The following OGFRL1 variants were observed in gnomAD, a reference collection of about 807,000 sequenced individuals.
OGFRL1 encodes the protein opioid growth factor receptor like 1.
OGFRL1 carries 26 observed loss-of-function variants against 32.4 expected under a neutral mutation model. That is an observed-to-expected ratio of 0.80 (90% CI 0.59 to 1.11). The LOEUF (loss-of-function observed/expected upper bound fraction) is 1.11, where lower values mean the gene tolerates loss of function less well. Ranked by LOEUF, OGFRL1 falls within the 50% of genes most tolerant of loss-of-function variation. OGFRL1 has a pLI of 0.00. For missense variants in OGFRL1, 521 were observed against 546.4 expected (o/e 0.95, Z 0.46); for synonymous variants, 211 against 201.2 (o/e 1.05, Z -0.41).
intron 6 of OGFRL1, among the ~76,000 whole-genome samples, chr6:71,300,757 C>T (rs1435157199): frequency 7.9e-5 from 12 of 152,178 alleles, no homozygotes; most frequent in African/African-American, 2.9e-4. Flanking sequence ...CACTTAGCTG[C>T]TAAGTTACAG....
In OGFRL1 at chr6:71,301,941, A is replaced by G. The variant is rs758024187; in HGVS notation, c.1248A>G (p.Glu416=). The change falls in exon 7 of 7, where the codon GAA becomes GAG. Residue 416 remains glutamate, a synonymous_variant. Transcript: ENST00000370435. The part of the protein sequence containing the change: ...QPEKTVTTPT[E]KKESVSPENN... ...AGAAAACAGTTACTACTCCCACAGA[A>G]AAAAAGGAGAGTGTATCTCCTGAGA... is the stretch of plus-strand genomic sequence containing the variant. The G allele has an allele frequency of 1.2e-5, 20 of 1,613,632 alleles. No homozygotes were observed. The highest frequency in any genetic ancestry group is 1.2e-4 in the African/African-American group (9 of 74,886).
chr6:71,298,494 G>A (rs1766284242), intron 6 of OGFRL1, among the ~76,000 whole-genome samples: 2 of 152,112 alleles, frequency 1.3e-5, no homozygotes, highest in African/African-American at 2.4e-5. Flanking sequence ...AACAAAATAT[G>A]GTCTTCAGCT....
rs527655685 is a variant in OGFRL1, at chr6:71,304,833, T to C, written c.*2784T>C. On this transcript the variant is annotated 3_prime_UTR_variant, in exon 7 of 7. Transcript: ENST00000370435. ...TAGTATGTTTCTTACATTTAATCCC[T>C]AAATAACTTAGATAATCATTCAGTG... The C allele has an allele frequency of 6.6e-6, 1 of 152,212 alleles. No individual in the cohort carries two copies. The highest frequency in any genetic ancestry group is 1.9e-4 in the East Asian group (1 of 5,184). The allele number at this position is 152,212 out of a possible 1,614,324, so 9.4% of individuals were successfully genotyped here.
chr6:71,303,468 A>T lies in OGFRL1; in HGVS notation c.*1419A>T, dbSNP rs1325017242. ...AAATTTGATTGAAAAGTTCAAGACA[A>T]GAATTTTGCTCTCTATGGCTGTTCC... is the stretch of plus-strand genomic sequence containing the variant. On this transcript the variant is annotated 3_prime_UTR_variant, in exon 7 of 7. Transcript: ENST00000370435. 2 of 152,226 alleles carry T rather than the reference A, an allele frequency of 1.3e-5. No individual in the cohort carries two copies. Among genetic ancestry groups the T allele is most frequent in the African/African-American group, 4.8e-5 (2 of 41,458 alleles). The allele number at this position is 152,226 out of a possible 1,614,324, so 9.4% of individuals were successfully genotyped here. A position where few individuals can be genotyped will look rare whatever the true frequency, so the allele number is the denominator to read the frequency against.
In OGFRL1 at chr6:71,306,486, C is replaced by T. The variant is rs1582567583; in HGVS notation, c.*4437C>T. The T allele has an allele frequency of 6.6e-6, 1 of 152,200 alleles. No individual in the cohort carries two copies. The highest frequency in any genetic ancestry group is 1.9e-4 in the East Asian group (1 of 5,188). 9.4% of individuals were successfully genotyped at this position (152,200 alleles called of 1,614,324 possible). A position where few individuals can be genotyped will look rare whatever the true frequency, so the allele number is the denominator to read the frequency against. On this transcript the variant is annotated 3_prime_UTR_variant, in exon 7 of 7. Coordinates refer to ENST00000370435, the MANE Select transcript of OGFRL1 (RefSeq NM_024576.5). ...AATGTCTGGAGGTATCCAGATGTGCCTTAACAAATGTAAATGGTTTTCATT... is the reference window on the plus strand; with the variant it reads ...AATGTCTGGAGGTATCCAGATGTGCTTTAACAAATGTAAATGGTTTTCATT...
chr6:71,292,350 A>C (rs1024313100), intron 1 of OGFRL1, among the ~76,000 whole-genome samples: 1 of 152,216 alleles, frequency 6.6e-6, no homozygotes, highest in African/African-American at 2.4e-5. Flanking sequence ...AAAATGTGTG[A>C]AAATTACTTA....
At chr6:71,293,004 T>C (rs1398175046) in intron 1 of OGFRL1, among the ~76,000 whole-genome samples, 1 of 152,220 alleles carries the variant, frequency 6.6e-6, no homozygotes, top group Middle Eastern at 3.2e-3. Context: ...CCATTTTTGA[T>C]GGATATTGAT....
At chr6:71,299,258 T>G (rs978639625) in intron 6 of OGFRL1, among the ~76,000 whole-genome samples, 2 of 152,188 alleles carry the variant, frequency 1.3e-5, no homozygotes, top group Non-Finnish European at 2.9e-5. Flanking sequence ...AGCTTCTTTC[T>G]TTTTCCTATA....
chr6:71,291,196 A>G (rs1766041048), intron 1 of OGFRL1, among the ~76,000 whole-genome samples: 1 of 152,234 alleles, frequency 6.6e-6, no homozygotes, highest in Non-Finnish European at 1.5e-5. Flanking sequence ...TGTTTCAGGA[A>G]GGAGGGATGC....
In OGFRL1 at chr6:71,301,690, G is replaced by A. The variant is rs777810665; in HGVS notation, c.997G>A (p.Ala333Thr). The A allele has an allele frequency of 3.7e-5, 59 of 1,613,732 alleles. No homozygotes were observed. The highest frequency in any genetic ancestry group is 4.6e-5 in the Non-Finnish European group (54 of 1,179,982). The change falls in exon 7 of 7, where the codon GCC becomes ACC. Residue 333 changes from alanine to threonine, a missense_variant. Ala to Thr is a moderately conservative substitution (Grantham distance 58). Coordinates refer to ENST00000370435, the MANE Select transcript of OGFRL1 (RefSeq NM_024576.5). Reference protein sequence around the residue: ...SKAQKMSSPLASSHNSQTSMH... With the variant: ...SKAQKMSSPLTSSHNSQTSMH... ...AGCCCAGAAAATGTCTTCCCCTCTC[G>A]CCTCCAGTCATAACAGTCAAACTTC...
intron 5 of OGFRL1, 42 bp from the exon 6 acceptor site, chr6:71,296,630 T>C (rs780488081): frequency 3.7e-6 from 6 of 1,608,234 alleles, no homozygotes; most frequent in Non-Finnish European, 5.1e-6. Context: ...TCCTTGTAGC[T>C]ACTGAATCAT....
chr6:71,295,196 A>G (rs1305170293), intron 3 of OGFRL1: 2 of 152,150 alleles, frequency 1.3e-5, no homozygotes, highest in East Asian at 3.9e-4. Flanking sequence ...GTATTTATTT[A>G]TCAGGCAGGA....
intron 1 of OGFRL1, chr6:71,289,423 C>A (rs1352527767): frequency 4.1e-6 from 4 of 985,016 alleles, no homozygotes; most frequent in East Asian, 2.3e-4. Flanking sequence ...TCCCTCAAGG[C>A]AGAACCCAAC....
Position 71,302,339 on chromosome 6 carries a change from A to G in OGFRL1, c.*290A>G. ...CTTTGAGAATATTTTCAGAGTATCTAGAAATTACCATGTAGTATTTGGTAT... is the reference window on the plus strand; with the variant it reads ...CTTTGAGAATATTTTCAGAGTATCTGGAAATTACCATGTAGTATTTGGTAT... On this transcript the variant is annotated 3_prime_UTR_variant, in exon 7 of 7. Transcript: ENST00000370435. 1 of 229,534 alleles carries G rather than the reference A, an allele frequency of 4.4e-6. No homozygotes were observed. Among genetic ancestry groups the G allele is most frequent in the Non-Finnish European group, 8.4e-6 (1 of 118,648 alleles). The allele number at this position is 229,534 out of a possible 1,614,324, so 14.2% of individuals were successfully genotyped here.
At chr6:71,289,737 C>T in intron 1 of OGFRL1, 1 of 985,230 alleles carries the variant, frequency 1.0e-6, no homozygotes, top group Non-Finnish European at 1.2e-6. Flanking sequence ...GCATTCTTCA[C>T]GAATCTTATT....
chr6:71,301,443 A>G lies in OGFRL1; in HGVS notation c.750A>G (p.Gly250=), dbSNP rs781157544. The G allele has an allele frequency of 3.1e-6, 5 of 1,610,674 alleles. No homozygotes were observed. Among genetic ancestry groups the G allele is most frequent in the Non-Finnish European group, 4.2e-6 (5 of 1,179,194 alleles). The stretch of plus-strand genomic sequence containing the variant: ...TTCTTAAAAGCCTTGGTGAGCTTGG[A>G]TATGAAAGTTTTAAATCTCCTCTTG... ...TRILKSLGEL[G]YESFKSPLVK... The change falls in exon 7 of 7, where the codon GGA becomes GGG. Residue 250 remains glycine, a synonymous_variant. Coordinates refer to ENST00000370435, the MANE Select transcript of OGFRL1 (RefSeq NM_024576.5).
chr6:71,295,349 T>C (rs1247778480), intron 3 of OGFRL1: 6 of 152,184 alleles, frequency 3.9e-5, no homozygotes, highest in Non-Finnish European at 8.8e-5. Context: ...TGGTGATCTC[T>C]GGAGGAAACA....
rs1766524678 is a variant in OGFRL1 at position 71,305,575 on chromosome 6, G to A, written c.*3526G>A. On this transcript the variant is annotated 3_prime_UTR_variant, in exon 7 of 7. Coordinates refer to ENST00000370435, the MANE Select transcript of OGFRL1 (RefSeq NM_024576.5). ...TGAGAAAATAAAATCTACAACTCAG[G>A]AGTTACTAGAGAAGTTCTAAGTATT... 6.6e-6 allele frequency: 1 copy of A among 152,018 alleles called. No homozygotes were observed. Among genetic ancestry groups the A allele is most frequent in the Admixed American group, 6.6e-5 (1 of 15,266 alleles). 9.4% of individuals were successfully genotyped at this position (152,018 alleles called of 1,614,324 possible). A position where few individuals can be genotyped will look rare whatever the true frequency, so the allele number is the denominator to read the frequency against.
rs1765946332 is a variant in OGFRL1 at position 71,288,953 on chromosome 6, G to T, written c.17G>T (p.Gly6Val). 1.4e-6 allele frequency: 2 copies of T among 1,380,604 alleles called. No homozygotes were observed. The highest frequency in any genetic ancestry group is 2.2e-5 in the Admixed American group (1 of 45,298). The allele number at this position is 1,380,604 out of a possible 1,614,324, so 85.5% of individuals were successfully genotyped here. The change falls in exon 1 of 7, where the codon GGC becomes GTC. Residue 6 changes from glycine (G) to valine (V), a missense_variant. Gly to Val is a moderately radical substitution (Grantham distance 109). Transcript: ENST00000370435. MGNLL[G>V]GVSFREPTTV... ...GCCTCTTCAATGGGCAACCTGCTCG[G>T]CGGGGTCAGCTTCCGCGAGCCCACC...
Sources: gnomAD v4.1 joint callset for allele counts (sites outside exome capture counted in the v4.1 genomes callset) on GRCh38, gnomAD v4.1.1 for gene constraint, MANE v1.5 for transcripts, NCBI Gene and HGNC (gene_info 2026-07-23, HGNC 2026-07-21) for gene names.